The following ZNF280D variants were observed in gnomAD, a reference collection of about 807,000 sequenced individuals.
ZNF280D encodes zinc finger protein 280D.
In ZNF280D, 39 loss-of-function variants were observed where a neutral mutation model predicts 94.7. That is an observed-to-expected ratio of 0.41 (90% CI 0.32 to 0.54). ZNF280D has a LOEUF of 0.54. ZNF280D is among the 20% of genes least tolerant of loss of function. The pLI is 0.22. For synonymous variants in ZNF280D, 398 were observed against 377.6 expected (o/e 1.05, Z -0.63); for missense variants, 1,090 against 1,149.3 (o/e 0.95, Z 0.75).
At chr15:56,654,153 T>C in intron 19 of ZNF280D, 45 bp downstream of exon 19, 1 of 1,588,476 alleles carries the variant, frequency 6.3e-7, no homozygotes, top group Non-Finnish European at 8.5e-7. Context: ...GCAATAGTGC[T>C]AAAATCCATC....
At chr15:56,657,495 C>T (rs2053625334) in intron 17 of ZNF280D, among the ~76,000 whole-genome samples, 1 of 152,066 alleles carries the variant, frequency 6.6e-6, no homozygotes, top group African/African-American at 2.4e-5. Flanking sequence ...ATCAAGGTTT[C>T]CTCTGGACAC....
chr15:56,702,731 G>A (rs1382006433), intron 4 of ZNF280D, among the ~76,000 whole-genome samples: 1 of 152,044 alleles, frequency 6.6e-6, no homozygotes, highest in Admixed American at 6.6e-5. Flanking sequence ...AGCATTCCAT[G>A]AGAGATGACC....
chr15:56,675,602 C>T, intron 13 of ZNF280D, among the ~76,000 whole-genome samples: 1 of 151,740 alleles, frequency 6.6e-6, no homozygotes. Context: ...ATTGGGGAAA[C>T]CTTAGAATAG....
chr15:56,653,174 T>C (rs977247824), intron 19 of ZNF280D: 6 of 1,029,804 alleles, frequency 5.8e-6, no homozygotes, highest in Non-Finnish European at 7.0e-6. Flanking sequence ...CATGGTTTCC[T>C]AACAACTAGA....
intron 19 of ZNF280D, among the ~76,000 whole-genome samples, chr15:56,648,881 A>G (rs764562264): frequency 4.6e-5 from 7 of 152,120 alleles, no homozygotes; most frequent in Admixed American, 2.6e-4. Context: ...TCAACCCAAC[A>G]GACATTAATT....
chr15:56,654,159 C>T (rs538034036), intron 19 of ZNF280D, 39 bp downstream of exon 19: 1 of 1,589,150 alleles, frequency 6.3e-7, no homozygotes, highest in East Asian at 2.2e-5. Flanking sequence ...GTGCTAAAAT[C>T]CATCAAAGTA....
chr15:56,692,974 T>C, intron 7 of ZNF280D, 124 bp downstream of exon 7: 1 of 564,094 alleles, frequency 1.8e-6, no homozygotes, highest in Non-Finnish European at 3.2e-6. Flanking sequence ...CTAGTGACGT[T>C]CCACCTTACA....
intron 1 of ZNF280D, among the ~76,000 whole-genome samples, chr15:56,729,321 T>G (rs1485894149): frequency 6.6e-6 from 1 of 152,222 alleles, no homozygotes; most frequent in Non-Finnish European, 1.5e-5. Flanking sequence ...AAACTCTCCT[T>G]AGTTGGCACT....
intron 7 of ZNF280D, among the ~76,000 whole-genome samples, chr15:56,691,088 G>A (rs1358188204): frequency 1.3e-5 from 2 of 151,960 alleles, no homozygotes; most frequent in African/African-American, 4.8e-5. Flanking sequence ...AAAACATTTG[G>A]TACACAGAAA....
intron 1 of ZNF280D, among the ~76,000 whole-genome samples, chr15:56,728,904 G>A (rs1284614945): frequency 3.3e-5 from 5 of 152,146 alleles, no homozygotes. Context: ...TAAATGTTCT[G>A]TGCATATTTG....
At chr15:56,678,324 C>G (rs1288311130) in intron 11 of ZNF280D, among the ~76,000 whole-genome samples, 2 of 152,078 alleles carry the variant, frequency 1.3e-5, no homozygotes, top group African/African-American at 4.8e-5. Flanking sequence ...TGATTTTTAA[C>G]TAAAACAGTA....
At chr15:56,731,843 A>C (rs542699913) in intron 1 of ZNF280D, among the ~76,000 whole-genome samples, 18 of 152,338 alleles carry the variant, frequency 1.2e-4, no homozygotes, top group Admixed American at 1.0e-3. Flanking sequence ...TTCGAAAAAA[A>C]TAGCAAGTTG....
intron 20 of ZNF280D, among the ~76,000 whole-genome samples, chr15:56,637,321 G>A (rs959117272): frequency 6.6e-6 from 1 of 151,114 alleles, no homozygotes; most frequent in Non-Finnish European, 1.5e-5. Flanking sequence ...TACACAGTAT[G>A]TGCTCAACAT....
chr15:56,699,184 T>C (rs1333439494), intron 6 of ZNF280D: 1 of 167,744 alleles, frequency 6.0e-6, no homozygotes, highest in Non-Finnish European at 1.2e-5. Flanking sequence ...TAACATTTAC[T>C]TCAGGCCAAC....
intron 17 of ZNF280D, 54 bp from the exon 18 acceptor site, chr15:56,654,557 T>C (rs1470346467): frequency 2.0e-6 from 3 of 1,483,746 alleles, no homozygotes; most frequent in Middle Eastern, 2.0e-4. Context: ...AATCCACTTA[T>C]AAGTTTGATG....
Position 56,715,263 on chromosome 15 carries a change from T to C in ZNF280D, c.-85-7957A>G, listed in dbSNP as rs145386591. On this transcript the variant is annotated intron_variant, in intron 1 of 21. Transcript: ENST00000267807. ...TATGCATTAATCCTTAAAGTAAAAATGTTTTCATTAGCACTTTTTTTAAAA... is the reference window on the plus strand; with the variant it reads ...TATGCATTAATCCTTAAAGTAAAAACGTTTTCATTAGCACTTTTTTTAAAA... 3.3e-3 allele frequency among the ~76,000 whole-genome samples: 507 copies of C among 152,232 alleles called. 1 individual carries two copies. The highest frequency in any genetic ancestry group is 6.3e-3 in the Non-Finnish European group (428 of 67,978).
chr15:56,701,114 A>G (rs1258248429), intron 5 of ZNF280D, 42 bp from the exon 6 acceptor site: 1 of 1,611,836 alleles, frequency 6.2e-7, no homozygotes. Flanking sequence ...TTATTTGTAC[A>G]TAATCAATTT....
chr15:56,726,472 T>A (rs967775681), intron 1 of ZNF280D, among the ~76,000 whole-genome samples: 4 of 152,182 alleles, frequency 2.6e-5, no homozygotes, highest in Non-Finnish European at 4.4e-5. Context: ...ACTCATTATA[T>A]CTTATAATTA....
At chr15:56,729,242 T>C (rs1297620784) in intron 1 of ZNF280D, among the ~76,000 whole-genome samples, 1 of 152,324 alleles carries the variant, frequency 6.6e-6, no homozygotes, top group East Asian at 1.9e-4. Flanking sequence ...AATTTCAAAA[T>C]TCTGTCAGAC....
Sources: gnomAD v4.1 joint callset for allele counts (sites outside exome capture counted in the v4.1 genomes callset) on GRCh38, gnomAD v4.1.1 for gene constraint, MANE v1.5 for transcripts, NCBI Gene and HGNC (gene_info 2026-07-23, HGNC 2026-07-21) for gene names.